TPO: variants seen among roughly 807,000 people sequenced by gnomAD.
TPO encodes thyroid peroxidase.
TPO carries 78 observed loss-of-function variants against 96.9 expected under a neutral mutation model. The ratio of observed to expected loss-of-function variants is 0.81; its 90% CI spans 0.67 to 0.97. The LOEUF (loss-of-function observed/expected upper bound fraction) is 0.97. Ranked by LOEUF, TPO falls within the 50% of genes least tolerant of loss-of-function variation. TPO has a pLI of 0.00. For missense variants in TPO, 1,252 were observed against 1,274.8 expected, an observed-to-expected ratio of 0.98 and a Z score of 0.27; for synonymous variants, 547 against 538.0, an observed-to-expected ratio of 1.02 and a Z score of -0.23.
intron 1 of TPO, among the ~76,000 whole-genome samples, chr2:1,387,719 T>C (rs1027903076): frequency 3.3e-5 from 5 of 152,262 alleles, no homozygotes; most frequent in African/African-American, 9.6e-5. Flanking sequence ...CTCGTCAAAG[T>C]CATTCTTTGT....
intron 13 of TPO, among the ~76,000 whole-genome samples, chr2:1,498,022 A>AG (rs1672527935): frequency 7.3e-6 from 1 of 137,794 alleles, no homozygotes; most frequent in Admixed American, 7.5e-5. Context: ...AGTGGCTGGG[A>AG]GGGGGATGGT....
intron 15 of TPO, among the ~76,000 whole-genome samples, chr2:1,522,529 C>T (rs1675426929): frequency 6.6e-6 from 1 of 152,074 alleles, no homozygotes; most frequent in Non-Finnish European, 1.5e-5. Flanking sequence ...CTGTCTCCCT[C>T]TCCTGCCCCC....
intron 1 of TPO, among the ~76,000 whole-genome samples, chr2:1,394,562 C>T (rs1684841520): frequency 6.6e-6 from 1 of 152,200 alleles, no homozygotes; most frequent in Admixed American, 6.5e-5. Flanking sequence ...ATGCATGTCT[C>T]ACCTGTGAGA....
At chr2:1,499,850 C>G (rs758107231) in intron 13 of TPO, among the ~76,000 whole-genome samples, 20 of 152,208 alleles carry the variant, frequency 1.3e-4, no homozygotes, top group Admixed American at 4.6e-4. Flanking sequence ...AATTGCTGAG[C>G]CTCTGTGTGC....
intron 15 of TPO, among the ~76,000 whole-genome samples, chr2:1,518,406 G>T (rs1002643234): frequency 8.5e-5 from 13 of 152,156 alleles, no homozygotes; most frequent in Non-Finnish European, 1.9e-4. Context: ...CACAGTTAAT[G>T]GACTCTTTTC....
upstream of TPO, among the ~76,000 whole-genome samples, chr2:1,410,522 G>A (rs1470184236): frequency 6.6e-6 from 1 of 152,234 alleles, no homozygotes; most frequent in Non-Finnish European, 1.5e-5. Context: ...AGGGAGAAAG[G>A]TGGCCTTTCT....
chr2:1,496,224 C>T (rs373066878), intron 12 of TPO, 27 bp downstream of exon 12: 18 of 1,604,730 alleles, frequency 1.1e-5, no homozygotes, highest in African/African-American at 9.4e-5. Context: ...TCTCACACCA[C>T]GTTACAGCAC....
intron 15 of TPO, among the ~76,000 whole-genome samples, chr2:1,534,597 G>A (rs75642717): frequency 1.7e-4 from 7 of 40,858 alleles, no homozygotes; most frequent in Non-Finnish European, 3.5e-4. Context: ...CTGTGCAACC[G>A]CACCAAATCG....
intron 1 of TPO, among the ~76,000 whole-genome samples, chr2:1,401,679 A>G (rs1662175011): frequency 6.6e-6 from 1 of 152,076 alleles, no homozygotes; most frequent in Non-Finnish European, 1.5e-5. Context: ...TTTGATCCCT[A>G]ATAAGCATTC....
intron 15 of TPO, among the ~76,000 whole-genome samples, chr2:1,539,046 CCCCAGTATAGACTCACCCTAA>C: frequency 6.6e-6 from 1 of 152,296 alleles, no homozygotes; most frequent in South Asian, 2.1e-4. Flanking sequence ...TTCCACCCTA[CCCCAGTATAGACTCACCCTAA>C]CTAATTACAT....
chr2:1,432,105 T>A (rs113991188), intron 3 of TPO, among the ~76,000 whole-genome samples: 4,525 of 152,366 alleles, frequency 0.03, 238 homozygotes, highest in African/African-American at 0.1. Flanking sequence ...AGGGCAGCTG[T>A]CTGGAGCCCC....
chr2:1,491,338 CT>C (rs1370324631), intron 10 of TPO, among the ~76,000 whole-genome samples: 1 of 152,160 alleles, frequency 6.6e-6, no homozygotes, highest in Admixed American at 6.5e-5. Flanking sequence ...CATATTTTCC[CT>C]CTAGAGTTGG....
intron 13 of TPO, among the ~76,000 whole-genome samples, chr2:1,501,000 A>G (rs1019858498): frequency 6.6e-6 from 1 of 151,254 alleles, no homozygotes; most frequent in Non-Finnish European, 1.5e-5. Flanking sequence ...TGGCAAATGC[A>G]TTGCAGTGAG....
intron 7 of TPO, among the ~76,000 whole-genome samples, chr2:1,459,311 C>G (rs1253145007): frequency 6.6e-6 from 1 of 152,000 alleles, no homozygotes; most frequent in Admixed American, 6.5e-5. Flanking sequence ...GCCACCACAC[C>G]CGGCTAATTT....
intron 15 of TPO, among the ~76,000 whole-genome samples, chr2:1,533,084 ACCT>A (rs1421348686): frequency 9.3e-5 from 11 of 117,728 alleles, no homozygotes; most frequent in African/African-American, 3.2e-4. Flanking sequence ...ACTGCGAGCA[ACCT>A]CCTCAAATCT....
chr2:1,510,365 CCCAGAAGCACTTGCTGT>C (rs1008935857), intron 14 of TPO, among the ~76,000 whole-genome samples: 3 of 152,186 alleles, frequency 2.0e-5, no homozygotes, highest in Non-Finnish European at 4.4e-5. Context: ...TGGACTACAG[CCCAGAAGCACTTGCTGT>C]ATTTTTGATA....
intron 9 of TPO, among the ~76,000 whole-genome samples, chr2:1,486,955 T>C (rs1037942300): frequency 6.6e-6 from 1 of 152,242 alleles, no homozygotes; most frequent in African/African-American, 2.4e-5. Flanking sequence ...CACAGGACGA[T>C]GCATGTCGTG....
In TPO at chr2:1,496,109, C is replaced by A. The variant is rs199561216; in HGVS notation, c.2127C>A (p.Phe709Leu). The A allele has an allele frequency of 7.4e-6, 12 of 1,614,012 alleles. No homozygotes were observed. Among genetic ancestry groups the A allele is most frequent in the Non-Finnish European group, 9.3e-6 (11 of 1,180,028 alleles). ...TGLTRVPMDA[F>L]QVGKFPEDFE... The stretch of plus-strand genomic sequence containing the variant: ...TCACCAGGGTGCCCATGGATGCCTT[C>A]CAAGTCGGCAAATTCCCCGAAGACT... Residue 709 changes from phenylalanine (F) to leucine (L), a missense_variant, in exon 12 of 17, where the codon TTC (phenylalanine) becomes TTA (leucine). Phe to Leu is a conservative substitution (Grantham distance 22). Coordinates refer to ENST00000329066, the MANE Select transcript of TPO (RefSeq NM_001206744.2).
chr2:1,542,290 T>C (rs1680854230), intron 16 of TPO, 131 bp from the exon 17 acceptor site: 3 of 1,235,852 alleles, frequency 2.4e-6, no homozygotes, highest in Non-Finnish European at 3.5e-6. Context: ...GCAAGAAGGA[T>C]GGCTCATCTC....
Sources: allele counts gnomAD v4.1 joint callset (sites outside exome capture counted in the v4.1 genomes callset), GRCh38; gene constraint gnomAD v4.1.1; transcripts MANE v1.5; gene names NCBI Gene and HGNC (gene_info 2026-07-23, HGNC 2026-07-21).